Variants in CORO2B observed in about 807,000 individuals in gnomAD.
CORO2B encodes coronin-2B.
CORO2B carries 26 observed loss-of-function variants against 58.8 expected under a neutral mutation model. The ratio of observed to expected loss-of-function variants is 0.44; its 90% CI spans 0.32 to 0.61. The LOEUF (loss-of-function observed/expected upper bound fraction) is 0.61. CORO2B is among the 20% of genes least tolerant of loss of function. The pLI is 0.04. For synonymous variants in CORO2B, 242 were observed against 253.8 expected, an observed-to-expected ratio of 0.95 and a Z score of 0.44; for missense variants, 460 against 645.1, an observed-to-expected ratio of 0.71 and a Z score of 3.11.
intron 1 of CORO2B, chr15:68,641,408 C>A: frequency 2.2e-6 from 1 of 446,240 alleles, no homozygotes; most frequent in Non-Finnish European, 3.0e-6. Context: ...CCTGTGTCTA[C>A]ACCCTGAGGA....
upstream of CORO2B, among the ~76,000 whole-genome samples, chr15:68,575,022 C>T (rs1566975346): frequency 6.6e-6 from 1 of 152,204 alleles, no homozygotes; most frequent in Non-Finnish European, 1.5e-5. Context: ...CACCTCTGAG[C>T]TCACCTGCAG....
At chr15:68,681,914 G>C (rs865884589) in intron 2 of CORO2B, among the ~76,000 whole-genome samples, 2 of 152,160 alleles carry the variant, frequency 1.3e-5, no homozygotes, top group Admixed American at 6.5e-5. Context: ...GGGTTTAGGG[G>C]CTTCATAGAT....
At chr15:68,608,526 G>A (rs1433127108) in intron 1 of CORO2B, among the ~76,000 whole-genome samples, 4 of 152,342 alleles carry the variant, frequency 2.6e-5, no homozygotes, top group African/African-American at 7.2e-5. Context: ...GAGTGTGCAC[G>A]CGTGCGTGTG....
At chr15:68,617,249 T>C (rs1267855516) in intron 1 of CORO2B, among the ~76,000 whole-genome samples, 1 of 152,160 alleles carries the variant, frequency 6.6e-6, no homozygotes, top group East Asian at 1.9e-4. Flanking sequence ...CCAGAGGCAA[T>C]GAGGAGGAGA....
chr15:68,572,739 C>T, the CORO2B span, among the ~76,000 whole-genome samples: 36 of 152,058 alleles, frequency 2.4e-4, no homozygotes, highest in African/African-American at 8.4e-4. Flanking sequence ...TAGGTGTTAT[C>T]AAAATTTAGA....
intron 3 of CORO2B, among the ~76,000 whole-genome samples, chr15:68,709,543 C>T (rs909156401): frequency 4.6e-5 from 7 of 150,866 alleles, no homozygotes; most frequent in Admixed American, 2.0e-4. Flanking sequence ...CTGTAACCTC[C>T]GCGCCTGGCC....
intron 8 of CORO2B, among the ~76,000 whole-genome samples, chr15:68,717,254 C>T (rs557415154): frequency 6.0e-4 from 90 of 150,612 alleles, no homozygotes; most frequent in African/African-American, 1.9e-3. Flanking sequence ...GCAGAGGTTG[C>T]GGTGAGCTAA....
intron 2 of CORO2B, among the ~76,000 whole-genome samples, chr15:68,655,213 A>G (rs760517384): frequency 6.6e-6 from 1 of 152,180 alleles, no homozygotes; most frequent in African/African-American, 2.4e-5. Flanking sequence ...TCTGAGCTAT[A>G]TTTCTTCTAT....
chr15:68,644,713 C>T (rs1053444482), intron 1 of CORO2B, among the ~76,000 whole-genome samples: 4 of 152,178 alleles, frequency 2.6e-5, no homozygotes, highest in Admixed American at 6.5e-5. Flanking sequence ...CCACCCCACT[C>T]CTGCTGTGGG....
chr15:68,525,066 T>C, the CORO2B span, among the ~76,000 whole-genome samples: 1 of 152,218 alleles, frequency 6.6e-6, no homozygotes, highest in Non-Finnish European at 1.5e-5. Flanking sequence ...TTTAGGCACA[T>C]CTGGGTATAA....
intron 2 of CORO2B, among the ~76,000 whole-genome samples, chr15:68,687,068 T>C (rs1410766079): frequency 1.3e-5 from 2 of 152,220 alleles, no homozygotes; most frequent in Non-Finnish European, 2.9e-5. Context: ...GATTCCTGTG[T>C]TCTGTGCTGG....
intron 2 of CORO2B, among the ~76,000 whole-genome samples, chr15:68,664,938 A>G (rs1255431421): frequency 6.6e-6 from 1 of 152,170 alleles, no homozygotes; most frequent in African/African-American, 2.4e-5. Context: ...TATGAGTTGC[A>G]AGTATACGTT....
chr15:68,664,122 A>G (rs1046930169), intron 2 of CORO2B, among the ~76,000 whole-genome samples: 9 of 152,164 alleles, frequency 5.9e-5, no homozygotes, highest in Admixed American at 2.6e-4. Flanking sequence ...CTACATTTTG[A>G]TCATGGTGGT....
rs1893333709 is a variant in CORO2B, at chr15:68,727,560, G to A, written c.*1586G>A. 6.6e-6 allele frequency: 1 copy of A among 152,288 alleles called. No individual in the cohort carries two copies. Among genetic ancestry groups the A allele is most frequent in the African/African-American group, 2.4e-5 (1 of 41,362 alleles). The allele number at this position is 152,288 out of a possible 1,614,324, so 9.4% of individuals were successfully genotyped here. The stretch of plus-strand genomic sequence containing the variant: ...CCTACGGAAAATCCCATCCACAGAG[G>A]CCAGGGCTACCCAAGCCCCTCCAGG... On this transcript the variant is annotated 3_prime_UTR_variant, in exon 12 of 12. Transcript: ENST00000261861.
chr15:68,723,731 G>A (rs903245150), intron 11 of CORO2B, among the ~76,000 whole-genome samples: 2 of 152,080 alleles, frequency 1.3e-5, no homozygotes, highest in Non-Finnish European at 2.9e-5. Flanking sequence ...GATTACAGGC[G>A]TGAGCCACCG....
At chr15:68,562,451 G>A in the CORO2B span, among the ~76,000 whole-genome samples, 1 of 152,106 alleles carries the variant, frequency 6.6e-6, no homozygotes. Context: ...CAGAGTATAG[G>A]GCTCATGTCT....
the CORO2B span, among the ~76,000 whole-genome samples, chr15:68,529,937 C>T: frequency 6.6e-6 from 1 of 152,172 alleles, no homozygotes; most frequent in Non-Finnish European, 1.5e-5. Context: ...TGTTTAATTT[C>T]CATACATTCT....
chr15:68,666,960 G>A (rs899738033), intron 2 of CORO2B, among the ~76,000 whole-genome samples: 4 of 152,022 alleles, frequency 2.6e-5, no homozygotes, highest in African/African-American at 9.7e-5. Flanking sequence ...TTTGGCTCTG[G>A]GCTCCTTCCT....
chr15:68,605,449 T>C (rs966227734), intron 1 of CORO2B, among the ~76,000 whole-genome samples: 1 of 152,200 alleles, frequency 6.6e-6, no homozygotes, highest in African/African-American at 2.4e-5. Context: ...GGCCTAATGG[T>C]ATGAGACTGG....
Sources: gnomAD v4.1 joint callset for allele counts (sites outside exome capture counted in the v4.1 genomes callset) on GRCh38, gnomAD v4.1.1 for gene constraint, MANE v1.5 for transcripts, NCBI Gene and HGNC (gene_info 2026-07-23, HGNC 2026-07-21) for gene names.